Variants in USP53 observed in about 807,000 individuals in gnomAD.
USP53 encodes the protein ubiquitin carboxyl-terminal hydrolase 53.
In USP53, 71 loss-of-function variants were observed where a neutral mutation model predicts 94.9. The ratio of observed to expected loss-of-function variants is 0.75; its 90% CI spans 0.62 to 0.91. The LOEUF (loss-of-function observed/expected upper bound fraction) is 0.91, where lower values mean the gene tolerates loss of function less well. Among genes scored for constraint, USP53 ranks in the 40% least tolerant of loss-of-function variants. The pLI is 0.00. For missense variants in USP53, 1,173 were observed against 1,281.0 expected, an observed-to-expected ratio of 0.92 and a Z score of 1.29; for synonymous variants, 375 against 422.7, an observed-to-expected ratio of 0.89 and a Z score of 1.39.
intron 3 of USP53, among the ~76,000 whole-genome samples, chr4:119,223,197 G>A (rs1321604283): frequency 6.6e-6 from 1 of 152,150 alleles, no homozygotes; most frequent in Non-Finnish European, 1.5e-5. Context: ...AATATTTTGA[G>A]TTGTTCCTTT....
intron 4 of USP53, among the ~76,000 whole-genome samples, chr4:119,238,363 A>G (rs1258276321): frequency 2.6e-5 from 4 of 152,174 alleles, no homozygotes; most frequent in Non-Finnish European, 5.9e-5. Context: ...GCCTGAGGAA[A>G]AGAGAGAGTT....
chr4:119,256,217 C>T (rs1423708679), intron 7 of USP53, 29 bp from the exon 8 acceptor site: 1 of 1,544,928 alleles, frequency 6.5e-7, no homozygotes, highest in South Asian at 1.2e-5. Flanking sequence ...AGATCAACAA[C>T]TCATTTATCT....
upstream of USP53, chr4:119,212,693 A>C (rs946512011): frequency 8.7e-6 from 3 of 343,022 alleles, no homozygotes; most frequent in South Asian, 4.3e-5. Context: ...TGGGCGGCGG[A>C]GACCAGCCGC....
At chr4:119,255,374 T>C (rs1295689032) in intron 7 of USP53, among the ~76,000 whole-genome samples, 1 of 152,164 alleles carries the variant, frequency 6.6e-6, no homozygotes, top group African/African-American at 2.4e-5. Flanking sequence ...TGAGCTGTGG[T>C]GGGCTCTGCC....
intron 5 of USP53, among the ~76,000 whole-genome samples, chr4:119,240,819 G>A (rs1397287369): frequency 6.6e-6 from 1 of 152,084 alleles, no homozygotes; most frequent in Non-Finnish European, 1.5e-5. Context: ...AACTCACCCA[G>A]CGAAAGAGAA....
In USP53 at chr4:119,271,590, G is replaced by C. The variant is rs757194862; in HGVS notation, c.1730G>C (p.Ser577Thr). 3 of 1,613,814 alleles carry C rather than the reference G, an allele frequency of 1.9e-6. No individual in the cohort carries two copies. The highest frequency in any genetic ancestry group is 2.5e-6 in the Non-Finnish European group (3 of 1,180,036). ...AGAGGAAACAGCTGTGATAGCAGCA[G>C]TAAAAGCCGGAACCGAGGTTGGAAA... Reference protein sequence around the residue: ...RDRGNSCDSSSKSRNRGWKPM... With the variant: ...RDRGNSCDSSTKSRNRGWKPM... Residue 577 changes from serine to threonine, a missense_variant, in exon 16 of 19, where the codon AGT becomes ACT. By Grantham distance (58) the Ser-to-Thr change is moderately conservative. Transcript: ENST00000692078.
chr4:119,268,415 G>A lies in USP53; in HGVS notation c.1283G>A (p.Gly428Glu), dbSNP rs961363274. The change falls in exon 14 of 19, where the codon GGA becomes GAA. Residue 428 changes from glycine to glutamate, a missense_variant. Gly to Glu is a moderately conservative substitution (Grantham distance 98). Coordinates refer to ENST00000692078, the MANE Select transcript of USP53 (RefSeq NM_001371395.1). Reference protein sequence around the residue: ...RSHSHTGVGKGPAKLSHIDQR... With the variant: ...RSHSHTGVGKEPAKLSHIDQR... ...CACAGTCACACAGGTGTAGGGAAAG[G>A]ACCAGGTATGTGTTTAAATTGTCAT... 1 of 1,606,238 alleles carries A rather than the reference G, an allele frequency of 6.2e-7. No homozygotes were observed. Among genetic ancestry groups the A allele is most frequent in the Non-Finnish European group, 8.5e-7 (1 of 1,176,998 alleles).
intron 3 of USP53, chr4:119,218,848 A>G (rs1744147710): frequency 6.6e-6 from 1 of 152,192 alleles, no homozygotes; most frequent in South Asian, 2.1e-4. Flanking sequence ...ATAAAATCTT[A>G]AATACTTCTA....
At chr4:119,275,802 G>A (rs1297752860) in intron 17 of USP53, among the ~76,000 whole-genome samples, 5 of 152,142 alleles carry the variant, frequency 3.3e-5, no homozygotes, top group Non-Finnish European at 1.5e-5. Flanking sequence ...TCTTCTTGAA[G>A]AGGTCCTTCA....
At chr4:119,264,156 C>T (rs542952372) in intron 12 of USP53, among the ~76,000 whole-genome samples, 1 of 152,200 alleles carries the variant, frequency 6.6e-6, no homozygotes, top group South Asian at 2.1e-4. Context: ...CCCAAGACTA[C>T]AAAGTTCAAT....
At chr4:119,274,351 G>A (rs1422703902) in intron 17 of USP53, among the ~76,000 whole-genome samples, 1 of 149,384 alleles carries the variant, frequency 6.7e-6, no homozygotes, top group Middle Eastern at 3.2e-3. Flanking sequence ...TGCCGTGTTT[G>A]GTTTTCTGTT....
intron 3 of USP53, among the ~76,000 whole-genome samples, chr4:119,225,964 T>C (rs1245689402): frequency 1.3e-5 from 2 of 152,206 alleles, no homozygotes; most frequent in Admixed American, 6.5e-5. Context: ...ATCATTGTAA[T>C]ATACTGCATT....
At chr4:119,278,077 A>T (rs1752900162) in intron 17 of USP53, among the ~76,000 whole-genome samples, 1 of 149,940 alleles carries the variant, frequency 6.7e-6, no homozygotes, top group African/African-American at 2.5e-5. Flanking sequence ...GTGTCTTTTA[A>T]TTGGAGAATT....
intron 4 of USP53, among the ~76,000 whole-genome samples, chr4:119,237,152 T>G (rs1485977524): frequency 6.6e-6 from 1 of 152,226 alleles, no homozygotes; most frequent in East Asian, 1.9e-4. Flanking sequence ...GAATATTTTC[T>G]GAGCAGTAGG....
chr4:119,261,618 A>AATATTTC (rs1469915162), intron 11 of USP53, 97 bp from the exon 12 acceptor site: 18 of 996,050 alleles, frequency 1.8e-5, no homozygotes, highest in Non-Finnish European at 2.6e-5. Flanking sequence ...ATGCATGAGA[A>AATATTTC]ATATTTCATT....
At position 119,259,584 on chromosome 4, in the gene USP53, CAT is replaced by C. The variant is rs1449516083; in HGVS notation, c.570-232_570-231del. The stretch of plus-strand genomic sequence containing the variant: ...TTAGCCTCATTTATCTAGTTCCAAA[CAT>C]ATAATTTTGTGTTACTTTGTTTTCT... On this transcript the variant is annotated intron_variant, in intron 9 of 18. Coordinates refer to ENST00000692078, the MANE Select transcript of USP53 (RefSeq NM_001371395.1). Among the ~76,000 whole-genome samples the C allele has an allele frequency of 3.3e-5, 5 of 152,068 alleles. No individual in the cohort carries two copies. In the South Asian group the frequency reaches 6.2e-4, roughly 19 times the overall value.
In USP53 at chr4:119,268,312, A is replaced by G; in HGVS notation, c.1180A>G (p.Asn394Asp). ...VIHKSDNLKE[N>D]GFGDQAKQRE... is the part of the protein sequence containing the mutation. Reference sequence around the variant, plus strand: ...TCATAAGTCAGATAATTTAAAAGAAAATGGATTTGGTGATCAGGCAAAGCA... The same window carrying G: ...TCATAAGTCAGATAATTTAAAAGAAGATGGATTTGGTGATCAGGCAAAGCA... Residue 394 changes from asparagine to aspartate, a missense_variant, in exon 14 of 19, where the codon AAT becomes GAT. Physicochemically the swap from Asn to Asp is conservative, Grantham distance 23. Coordinates refer to ENST00000692078, the MANE Select transcript of USP53 (RefSeq NM_001371395.1). The G allele has an allele frequency of 6.8e-6, 11 of 1,613,776 alleles. No homozygotes were observed. The Admixed American group carries it at 1.8e-4, about 27-fold the overall frequency.
chr4:119,276,306 G>A (rs796261191), intron 17 of USP53, among the ~76,000 whole-genome samples: 188 of 124,508 alleles, frequency 1.5e-3, no homozygotes, highest in Middle Eastern at 4.1e-3. Flanking sequence ...TTTTTAGCAT[G>A]AAGCATTGTT....
At chr4:119,234,219 A>G (rs1746433637) in intron 3 of USP53, among the ~76,000 whole-genome samples, 1 of 152,178 alleles carries the variant, frequency 6.6e-6, no homozygotes, top group Admixed American at 6.5e-5. Flanking sequence ...GCCCAGAGCA[A>G]TGTAAGGACT....
Sources: gnomAD v4.1 joint callset for allele counts (sites outside exome capture counted in the v4.1 genomes callset) on GRCh38, gnomAD v4.1.1 for gene constraint, MANE v1.5 for transcripts, NCBI Gene and HGNC (gene_info 2026-07-23, HGNC 2026-07-21) for gene names.